The following CSMD1 variants were observed in gnomAD, a reference collection of about 807,000 sequenced individuals.
The protein encoded by CSMD1 is CUB and Sushi multiple domains 1, also known as CUB and sushi domain-containing protein 1.
In CSMD1, 213 loss-of-function variants were observed where a neutral mutation model predicts 417.5. The observed-to-expected ratio is 0.51, with a 90% confidence interval of 0.46 to 0.57. CSMD1 has a LOEUF of 0.57. Among genes scored for constraint, CSMD1 ranks in the 20% least tolerant of loss-of-function variants. The pLI, the probability that CSMD1 is intolerant of heterozygous loss-of-function variation, is 0.00. For synonymous variants in CSMD1, 2,862 were observed against 1,736.8 expected (o/e 1.65, Z -16.11); for missense variants, 6,923 against 4,529.7 (o/e 1.53, Z -15.17).
rs557083693 is a variant in CSMD1, at chr8:4,780,152, C to T, written c.86-142594G>A. Among the ~76,000 whole-genome samples, 419 of 152,226 alleles carry T rather than the reference C, an allele frequency of 2.8e-3. 5 individuals are homozygous for T. Among genetic ancestry groups the T allele is most frequent in the African/African-American group, 9.7e-3 (404 of 41,530 alleles). On this transcript the variant is annotated intron_variant, in intron 1 of 69. Coordinates refer to ENST00000635120, the MANE Select transcript of CSMD1 (RefSeq NM_033225.6). ...GTCACAGACTTGTGCCATAATTGGC[C>T]AGACCTTCAGCATCTTTGACAACCT... is the stretch of plus-strand genomic sequence containing the variant.
At chr8:4,584,346 CCAAG>C (rs1799595657) in intron 2 of CSMD1, among the ~76,000 whole-genome samples, 1 of 151,996 alleles carries the variant, frequency 6.6e-6, no homozygotes, top group South Asian at 2.1e-4. Flanking sequence ...TCGCCAATCG[CCAAG>C]CAGTGAGTAG....
At chr8:3,917,780 C>A (rs958639797) in intron 5 of CSMD1, among the ~76,000 whole-genome samples, 1 of 152,132 alleles carries the variant, frequency 6.6e-6, no homozygotes, top group South Asian at 2.1e-4. Context: ...AGATTCCCCC[C>A]ACACCTATTA....
intron 7 of CSMD1, among the ~76,000 whole-genome samples, chr8:3,679,200 C>G (rs2624106): frequency 2.0e-5 from 3 of 151,942 alleles, no homozygotes; most frequent in Admixed American, 2.0e-4. Flanking sequence ...ACCTTAAATG[C>G]AAATGGGCTA....
At chr8:4,168,617 G>C (rs879937956) in intron 3 of CSMD1, among the ~76,000 whole-genome samples, 3 of 151,978 alleles carry the variant, frequency 2.0e-5, no homozygotes, top group African/African-American at 4.8e-5. Flanking sequence ...ATGTGTGCAA[G>C]ATGAACATCT....
At chr8:3,384,782 A>G (rs1178717176) in intron 18 of CSMD1, among the ~76,000 whole-genome samples, 2 of 124,134 alleles carry the variant, frequency 1.6e-5, no homozygotes, top group African/African-American at 6.2e-5. Context: ...TATTTATATA[A>G]TATATATTAA....
intron 26 of CSMD1, among the ~76,000 whole-genome samples, chr8:3,231,273 C>G (rs961187516): frequency 1.4e-4 from 22 of 152,118 alleles, no homozygotes; most frequent in African/African-American, 4.6e-4. Context: ...ATAACGAGCT[C>G]TTTCTTCCAC....
chr8:3,531,036 T>C (rs1797959164), intron 10 of CSMD1, among the ~76,000 whole-genome samples: 1 of 150,860 alleles, frequency 6.6e-6, no homozygotes, highest in African/African-American at 2.4e-5. Flanking sequence ...TTTTTTTGTA[T>C]TTGTAGTAGA....
intron 3 of CSMD1, among the ~76,000 whole-genome samples, chr8:4,283,307 G>A (rs1334524144): frequency 2.0e-5 from 3 of 152,078 alleles, no homozygotes; most frequent in African/African-American, 7.2e-5. Flanking sequence ...TTTGTTTATT[G>A]ATTTGTAGCT....
intron 3 of CSMD1, among the ~76,000 whole-genome samples, chr8:4,396,340 A>G (rs991670661): frequency 2.0e-5 from 3 of 151,198 alleles, no homozygotes; most frequent in Non-Finnish European, 4.4e-5. Context: ...GGTAGCATGC[A>G]CCTGTACTCC....
intron 1 of CSMD1, among the ~76,000 whole-genome samples, chr8:4,789,751 A>C (rs1377393018): frequency 6.6e-6 from 1 of 152,138 alleles, no homozygotes; most frequent in Admixed American, 6.5e-5. Context: ...AACATAGTTC[A>C]TGTAGTAAAT....
chr8:4,974,927 AAG>A (rs1228871424), intron 1 of CSMD1, among the ~76,000 whole-genome samples: 1 of 152,210 alleles, frequency 6.6e-6, no homozygotes, highest in Non-Finnish European at 1.5e-5. Flanking sequence ...CTGGGGTTTA[AAG>A]AGAGAGACAA....
chr8:4,204,009 C>A (rs537729132), intron 3 of CSMD1, among the ~76,000 whole-genome samples: 135 of 152,206 alleles, frequency 8.9e-4, no homozygotes, highest in African/African-American at 3.1e-3. Flanking sequence ...ACTGAGGCAT[C>A]AGAATCACTT....
At chr8:4,196,314 C>T (rs921381736) in intron 3 of CSMD1, among the ~76,000 whole-genome samples, 3 of 152,136 alleles carry the variant, frequency 2.0e-5, no homozygotes, top group Non-Finnish European at 4.4e-5. Flanking sequence ...CTATCGCTGC[C>T]GTACATTACT....
intron 4 of CSMD1, among the ~76,000 whole-genome samples, chr8:4,013,978 C>A (rs756204360): frequency 1.3e-5 from 2 of 152,122 alleles, no homozygotes; most frequent in South Asian, 2.1e-4. Context: ...CCTCAATAAA[C>A]GTTCCTTGGA....
At chr8:4,818,056 T>C (rs1335501429) in intron 1 of CSMD1, among the ~76,000 whole-genome samples, 1 of 152,174 alleles carries the variant, frequency 6.6e-6, no homozygotes, top group Non-Finnish European at 1.5e-5. Flanking sequence ...ATATATGAAT[T>C]GCAAGGTAAC....
At chr8:3,527,950 G>A (rs781348143) in intron 10 of CSMD1, among the ~76,000 whole-genome samples, 5 of 152,112 alleles carry the variant, frequency 3.3e-5, no homozygotes, top group Non-Finnish European at 7.4e-5. Context: ...CAGTTTATCT[G>A]GCAGATTCTG....
At chr8:4,696,137 G>C (rs904088013) in intron 1 of CSMD1, among the ~76,000 whole-genome samples, 1 of 152,132 alleles carries the variant, frequency 6.6e-6, no homozygotes, top group Non-Finnish European at 1.5e-5. Flanking sequence ...TCAGAGAACA[G>C]TTTTTGTTAC....
intron 2 of CSMD1, among the ~76,000 whole-genome samples, chr8:4,612,813 G>A (rs1185532543): frequency 2.0e-5 from 3 of 152,172 alleles, no homozygotes; most frequent in South Asian, 2.1e-4. Flanking sequence ...TCTCTTCCTG[G>A]CTTTGACAGA....
intron 52 of CSMD1, among the ~76,000 whole-genome samples, chr8:3,007,718 C>T (rs1455047707): frequency 1.4e-5 from 2 of 140,960 alleles, no homozygotes; most frequent in African/African-American, 2.6e-5. Flanking sequence ...GGGAACTGAA[C>T]AGTGAGATCA....
Sources: gnomAD v4.1 joint callset for allele counts (sites outside exome capture counted in the v4.1 genomes callset) on GRCh38, gnomAD v4.1.1 for gene constraint, MANE v1.5 for transcripts, NCBI Gene and HGNC (gene_info 2026-07-23, HGNC 2026-07-21) for gene names.